Variants in CLNK observed in about 807,000 individuals in gnomAD.
CLNK encodes the protein cytokine dependent hematopoietic cell linker, also known as cytokine-dependent hematopoietic cell linker.
CLNK carries 74 observed loss-of-function variants against 68.6 expected under a neutral mutation model. The observed-to-expected ratio is 1.08, with a 90% CI of 0.89 to 1.31. CLNK has a LOEUF of 1.31. CLNK is among the 50% of genes most tolerant of loss of function. The pLI, the probability that CLNK is intolerant of heterozygous loss-of-function variation, is 0.00. For synonymous variants in CLNK, 198 were observed against 172.2 expected, an observed-to-expected ratio of 1.15 and a Z score of -1.17; for missense variants, 553 against 515.3, an observed-to-expected ratio of 1.07 and a Z score of -0.71.
chr4:10,636,544 T>C (rs1723097583), intron 2 of CLNK, among the ~76,000 whole-genome samples: 1 of 152,150 alleles, frequency 6.6e-6, no homozygotes, highest in South Asian at 2.1e-4. Context: ...CTATTTGTTA[T>C]GGCAGTCCTA....
the CLNK span, among the ~76,000 whole-genome samples, chr4:10,704,065 G>A: frequency 6.6e-6 from 1 of 152,004 alleles, no homozygotes; most frequent in Non-Finnish European, 1.5e-5. Context: ...TAAAATAAGG[G>A]GTTGGCCAGG....
At chr4:10,648,793 A>G (rs1476404235) in intron 2 of CLNK, among the ~76,000 whole-genome samples, 1 of 152,178 alleles carries the variant, frequency 6.6e-6, no homozygotes, top group Non-Finnish European at 1.5e-5. Flanking sequence ...ACAGAAGCTC[A>G]GTACTAATAA....
chr4:10,635,564 C>T (rs1723050987), intron 2 of CLNK, among the ~76,000 whole-genome samples: 1 of 152,172 alleles, frequency 6.6e-6, no homozygotes, highest in Non-Finnish European at 1.5e-5. Context: ...AAAGCTGATA[C>T]TGCAGAGTAT....
At chr4:10,598,728 T>C (rs567402210) in intron 2 of CLNK, 7 of 418,778 alleles carry the variant, frequency 1.7e-5, no homozygotes, top group African/African-American at 1.2e-4. Context: ...CATTCCTAGT[T>C]CATTTAATCA....
chr4:10,637,583 C>CTTTTTTT (rs1158317670), intron 2 of CLNK, among the ~76,000 whole-genome samples: 2 of 71,416 alleles, frequency 2.8e-5, no homozygotes, highest in Admixed American at 2.0e-4. Flanking sequence ...CACCATTCCT[C>CTTTTTTT]TTTTTTTTTT....
chr4:10,508,294 C>T (rs764359234), intron 16 of CLNK, among the ~76,000 whole-genome samples: 1 of 152,266 alleles, frequency 6.6e-6, no homozygotes, highest in East Asian at 1.9e-4. Context: ...TCAGCACCAC[C>T]TTCAGAATGG....
At chr4:10,555,119 T>C (rs1166164696) in intron 8 of CLNK, among the ~76,000 whole-genome samples, 1 of 152,262 alleles carries the variant, frequency 6.6e-6, no homozygotes, top group Admixed American at 6.5e-5. Flanking sequence ...ATAAAGGTCT[T>C]TTGATGGCAT....
chr4:10,666,665 G>A (rs112958278), intron 2 of CLNK, among the ~76,000 whole-genome samples: 13 of 152,216 alleles, frequency 8.5e-5, no homozygotes, highest in East Asian at 3.9e-4. Context: ...TGTAAGGATC[G>A]GGGAGGAAAA....
chr4:10,510,262 T>C (rs1187538070), intron 16 of CLNK, among the ~76,000 whole-genome samples: 2 of 152,162 alleles, frequency 1.3e-5, no homozygotes, highest in Non-Finnish European at 2.9e-5. Flanking sequence ...TAATTCTCTT[T>C]CTAGCCCCCC....
the CLNK span, among the ~76,000 whole-genome samples, chr4:10,708,787 T>G: frequency 6.6e-6 from 1 of 152,214 alleles, no homozygotes; most frequent in Non-Finnish European, 1.5e-5. Context: ...GGACGTTTCA[T>G]GCATGTTGAA....
At chr4:10,559,481 G>GT (rs1443266572) in intron 7 of CLNK, among the ~76,000 whole-genome samples, 2 of 152,120 alleles carry the variant, frequency 1.3e-5, no homozygotes, top group Admixed American at 6.5e-5. Flanking sequence ...GTGCCAGAGG[G>GT]TTTTTTCAAT....
intron 10 of CLNK, among the ~76,000 whole-genome samples, chr4:10,541,017 C>T (rs947904848): frequency 1.3e-5 from 2 of 151,948 alleles, no homozygotes; most frequent in African/African-American, 2.4e-5. Flanking sequence ...GAATTCAAGA[C>T]CAGCCTGGCC....
At chr4:10,545,895 G>T (rs150079894) in intron 8 of CLNK, among the ~76,000 whole-genome samples, 1,571 of 152,310 alleles carry the variant, frequency 0.01, 13 homozygotes, top group Middle Eastern at 0.034. Context: ...CCTCAACTGG[G>T]GTTGCTTGAG....
intron 2 of CLNK, among the ~76,000 whole-genome samples, chr4:10,630,079 A>G (rs1377111060): frequency 6.6e-6 from 1 of 152,188 alleles, no homozygotes; most frequent in Non-Finnish European, 1.5e-5. Flanking sequence ...TAATGAAGGG[A>G]TATAACAGAG....
chr4:10,646,017 G>T (rs1723497362), intron 2 of CLNK, among the ~76,000 whole-genome samples: 1 of 152,148 alleles, frequency 6.6e-6, no homozygotes, highest in Non-Finnish European at 1.5e-5. Flanking sequence ...TGCAAAATAT[G>T]ATTTATATAT....
chr4:10,552,441 A>G (rs1719499370), intron 8 of CLNK, among the ~76,000 whole-genome samples: 1 of 152,192 alleles, frequency 6.6e-6, no homozygotes, highest in South Asian at 2.1e-4. Context: ...TTATTCCTGC[A>G]GATAACACCA....
At chr4:10,673,679 G>C (rs567305151) in intron 1 of CLNK, among the ~76,000 whole-genome samples, 2 of 146,344 alleles carry the variant, frequency 1.4e-5, no homozygotes, top group East Asian at 4.0e-4. Context: ...GGGGTGGGGG[G>C]TCTGGGGGAG....
intron 1 of CLNK, among the ~76,000 whole-genome samples, chr4:10,670,208 G>T (rs965569829): frequency 6.6e-6 from 1 of 152,204 alleles, no homozygotes; most frequent in Non-Finnish European, 1.5e-5. Flanking sequence ...AAGTTTGCAA[G>T]TTGCTTTAGC....
intron 4 of CLNK, among the ~76,000 whole-genome samples, chr4:10,572,460 T>C (rs1023478113): frequency 2.6e-5 from 4 of 152,266 alleles, no homozygotes; most frequent in Non-Finnish European, 4.4e-5. Context: ...TACCCTCAGA[T>C]TATGCAAAAT....
Sources: gnomAD v4.1 joint callset for allele counts (sites outside exome capture counted in the v4.1 genomes callset) on GRCh38, gnomAD v4.1.1 for gene constraint, MANE v1.5 for transcripts, NCBI Gene and HGNC (gene_info 2026-07-23, HGNC 2026-07-21) for gene names.